APMAP: variants seen among roughly 807,000 people sequenced by gnomAD.
APMAP encodes the protein adipocyte plasma membrane-associated protein.
Under a neutral mutation model 43.6 loss-of-function variants are expected in APMAP, and 33 were observed. The ratio of observed to expected loss-of-function variants is 0.76; its 90% CI spans 0.57 to 1.01. APMAP has a LOEUF of 1.01. Ranked by LOEUF, APMAP falls within the 50% of genes least tolerant of loss-of-function variation. The probability of loss-of-function intolerance (pLI) is 0.00; values close to 1 mark genes in which losing one functional copy is unlikely to be tolerated. For missense variants in APMAP, 498 were observed against 540.7 expected (o/e 0.92, Z 0.78); for synonymous variants, 224 against 216.7 (o/e 1.03, Z -0.30).
At chr20:24,982,586 G>A (rs1294834070) in intron 2 of APMAP, among the ~76,000 whole-genome samples, 1 of 152,160 alleles carries the variant, frequency 6.6e-6, no homozygotes, top group Non-Finnish European at 1.5e-5. Flanking sequence ...GAGATCAAAG[G>A]TCTTCAATCA....
chr20:24,987,422 T>C (rs1183450036), intron 1 of APMAP, among the ~76,000 whole-genome samples: 1 of 152,180 alleles, frequency 6.6e-6, no homozygotes, highest in African/African-American at 2.4e-5. Context: ...AGCAACCATG[T>C]CTAGCCCCAC....
intron 8 of APMAP, among the ~76,000 whole-genome samples, chr20:24,964,695 A>G (rs897383470): frequency 1.3e-5 from 2 of 152,226 alleles, no homozygotes; most frequent in African/African-American, 4.8e-5. Context: ...GATTTCTGGC[A>G]GAGCAGAAGG....
chr20:24,981,757 C>T (rs934406899), intron 2 of APMAP, among the ~76,000 whole-genome samples: 1 of 152,236 alleles, frequency 6.6e-6, no homozygotes, highest in Admixed American at 6.5e-5. Flanking sequence ...CTCCAAAATG[C>T]TGCTCTATTT....
chr20:24,991,131 A>C (rs1054024582), intron 1 of APMAP, among the ~76,000 whole-genome samples: 1 of 152,202 alleles, frequency 6.6e-6, no homozygotes, highest in African/African-American at 2.4e-5. Context: ...GGGACTACCT[A>C]ACCGGTGCCC....
At chr20:24,979,491 C>G (rs533361055) in intron 2 of APMAP, among the ~76,000 whole-genome samples, 5 of 152,328 alleles carry the variant, frequency 3.3e-5, no homozygotes, top group African/African-American at 1.2e-4. Context: ...ACTCCTGCCT[C>G]TACTCGTCCT....
At chr20:24,978,005 C>G (rs533982040) in intron 3 of APMAP, among the ~76,000 whole-genome samples, 1 of 152,294 alleles carries the variant, frequency 6.6e-6, no homozygotes, top group East Asian at 1.9e-4. Flanking sequence ...GGCCACTGAC[C>G]GGCCTTGAGA....
chr20:24,972,685 T>C (rs1437504033), intron 4 of APMAP, among the ~76,000 whole-genome samples: 1 of 145,952 alleles, frequency 6.9e-6, no homozygotes, highest in East Asian at 2.1e-4. Context: ...AGGGTGCTCA[T>C]TGCAAGTACC....
chr20:24,964,665 G>C (rs1440314986), intron 8 of APMAP, among the ~76,000 whole-genome samples: 1 of 152,178 alleles, frequency 6.6e-6, no homozygotes, highest in African/African-American at 2.4e-5. Context: ...ATTAAGCAGA[G>C]AACAGATGGC....
intron 2 of APMAP, among the ~76,000 whole-genome samples, chr20:24,979,908 C>A (rs112264190): frequency 3.3e-5 from 5 of 152,160 alleles, no homozygotes; most frequent in Non-Finnish European, 7.3e-5. Context: ...CAGCTCTTTG[C>A]TCCACTTGGA....
chr20:24,967,243 C>T (rs1397585114), intron 8 of APMAP, among the ~76,000 whole-genome samples: 2 of 152,114 alleles, frequency 1.3e-5, no homozygotes, highest in Non-Finnish European at 2.9e-5. Context: ...TGCAGTGAGC[C>T]GAGATCACGC....
Position 24,964,373 on chromosome 20 carries a change from A to G in APMAP, c.1042-351T>C, listed in dbSNP as rs1346352862. 5.9e-6 allele frequency: 3 copies of G among 510,766 alleles called. No individual in the cohort carries two copies. In the Middle Eastern group the frequency reaches 9.1e-4, roughly 155 times the overall value. 31.6% of individuals were successfully genotyped at this position (510,766 alleles called of 1,614,324 possible). On this transcript the variant is annotated intron_variant, in intron 8 of 8. Transcript: ENST00000217456. ...CCAAGGCTCAGAATGACCTCCACTCACCAGATCACAACCAGCGCAGCTTCC... is the reference window on the plus strand; with the variant it reads ...CCAAGGCTCAGAATGACCTCCACTCGCCAGATCACAACCAGCGCAGCTTCC...
intron 8 of APMAP, 116 bp downstream of exon 8, chr20:24,968,776 T>C: frequency 1.0e-6 from 1 of 986,208 alleles, no homozygotes; most frequent in Non-Finnish European, 1.4e-6. Flanking sequence ...TGTTTCTAAG[T>C]GTCATTCAGA....
intron 2 of APMAP, among the ~76,000 whole-genome samples, chr20:24,983,600 T>G (rs2088122797): frequency 6.6e-6 from 1 of 152,200 alleles, no homozygotes; most frequent in Non-Finnish European, 1.5e-5. Context: ...TTGTGTGTGT[T>G]TTTGCTACCT....
intron 1 of APMAP, among the ~76,000 whole-genome samples, 193 bp from the exon 2 acceptor site, chr20:24,984,212 C>CT (rs113930187): frequency 0.035 from 5,289 of 151,524 alleles, 326 homozygotes; most frequent in African/African-American, 0.12. Flanking sequence ...TGTTGTTGTT[C>CT]TTTTTTTTTA....
chr20:24,990,729 A>C (rs576024985), intron 1 of APMAP, among the ~76,000 whole-genome samples: 4 of 152,360 alleles, frequency 2.6e-5, no homozygotes, highest in African/African-American at 9.6e-5. Context: ...GAACTACTAG[A>C]AATGACCACA....
chr20:24,978,106 G>A (rs940612437), intron 3 of APMAP, among the ~76,000 whole-genome samples: 1 of 152,216 alleles, frequency 6.6e-6, no homozygotes, highest in African/African-American at 2.4e-5. Context: ...CACTTCCAAA[G>A]AAGCTGCTCA....
Position 24,964,972 on chromosome 20 carries a change from G to A in APMAP, c.1042-950C>T, listed in dbSNP as rs554664937. Among the ~76,000 whole-genome samples, 36 of 152,204 alleles carry A rather than the reference G, an allele frequency of 2.4e-4. No homozygotes were observed. In the East Asian group the frequency reaches 2.9e-3, roughly 12 times the overall value. ...AAATGCCATCTCCTGCTGTTCGGCC[G>A]TGGATCCTTCCCACTCTCCTCTCTT... On this transcript the variant is annotated intron_variant, in intron 8 of 8. Coordinates refer to ENST00000217456, the MANE Select transcript of APMAP (RefSeq NM_020531.3).
intron 3 of APMAP, 27 bp downstream of exon 3, chr20:24,978,740 T>TCCCCCCCCCCCC: frequency 9.9e-7 from 1 of 1,013,584 alleles, no homozygotes. Flanking sequence ...CCTGGAAGGC[T>TCCCCCCCCCCCC]CCCCCCCCAC....
intron 2 of APMAP, among the ~76,000 whole-genome samples, chr20:24,980,530 C>T (rs1184599438): frequency 6.6e-6 from 1 of 151,562 alleles, no homozygotes; most frequent in Non-Finnish European, 1.5e-5. Flanking sequence ...GCGGGGCCAC[C>T]ATGGTCAAGA....
Sources: gnomAD v4.1 joint callset for allele counts (sites outside exome capture counted in the v4.1 genomes callset) on GRCh38, gnomAD v4.1.1 for gene constraint, MANE v1.5 for transcripts, NCBI Gene and HGNC (gene_info 2026-07-23, HGNC 2026-07-21) for gene names.